The following SLC22A15 variants were observed in gnomAD, a reference collection of about 807,000 sequenced individuals.
The protein encoded by SLC22A15 is flipt 1.
In SLC22A15, 45 loss-of-function variants were observed where a neutral mutation model predicts 62.7. The observed-to-expected ratio is 0.72, with a 90% CI of 0.56 to 0.92. The LOEUF is 0.92. Among genes scored for constraint, SLC22A15 ranks in the 40% least tolerant of loss-of-function variants. SLC22A15 has a pLI of 0.00. For synonymous variants in SLC22A15, 264 were observed against 267.0 expected (o/e 0.99, Z 0.11); for missense variants, 622 against 665.6 (o/e 0.93, Z 0.72).
At chr1:115,989,787 A>AT (rs1265606830) in intron 1 of SLC22A15, among the ~76,000 whole-genome samples, 1 of 151,620 alleles carries the variant, frequency 6.6e-6, no homozygotes, top group African/African-American at 2.4e-5. Context: ...GTCTCAAAAA[A>AT]AAAAAAATGA....
chr1:116,053,595 G>A (rs367893032), intron 8 of SLC22A15, among the ~76,000 whole-genome samples: 120 of 152,056 alleles, frequency 7.9e-4, no homozygotes, highest in African/African-American at 2.4e-3. Context: ...TCCAAGACAC[G>A]TAATTGTCAG....
chr1:116,046,904 A>G (rs762844489), intron 8 of SLC22A15, among the ~76,000 whole-genome samples: 1 of 152,172 alleles, frequency 6.6e-6, no homozygotes, highest in Non-Finnish European at 1.5e-5. Flanking sequence ...TTCCCTAAGG[A>G]AGCCATTCCT....
intron 1 of SLC22A15, 86 bp downstream of exon 1, chr1:115,976,800 C>T: frequency 9.1e-7 from 1 of 1,098,476 alleles, no homozygotes; most frequent in Non-Finnish European, 1.3e-6. Context: ...ACCGCCGGGG[C>T]CGGGGCCGAG....
At chr1:116,021,965 A>G (rs1338036377) in intron 4 of SLC22A15, among the ~76,000 whole-genome samples, 1 of 152,152 alleles carries the variant, frequency 6.6e-6, no homozygotes, top group Non-Finnish European at 1.5e-5. Context: ...TCAACCTGTT[A>G]TTTCTAACTG....
At chr1:115,992,587 G>A (rs1232577145) in intron 2 of SLC22A15, among the ~76,000 whole-genome samples, 1 of 150,992 alleles carries the variant, frequency 6.6e-6, no homozygotes. Context: ...GAAATGTAAC[G>A]ATTCATATAT....
In SLC22A15 at chr1:115,992,046, G is replaced by A. The variant is rs759190725; in HGVS notation, c.103G>A (p.Glu35Lys). Residue 35 changes from glutamate (E) to lysine (K), a missense_variant, in exon 2 of 12, where the codon GAG becomes AAG. By Grantham distance (56) the Glu-to-Lys change is moderately conservative. Transcript: ENST00000369503. ...GCTCTTTCAGCTCTACGTGGCCACG[G>A]AGGCCATCCTCATTGCACTGGTTGG... The part of the protein sequence containing the change: ...AVLLQLYVAT[E>K]AILIALVGAT... 2 of 1,613,542 alleles carry A rather than the reference G, an allele frequency of 1.2e-6. No homozygotes were observed. The highest frequency in any genetic ancestry group is 2.2e-5 in the East Asian group (1 of 44,880).
At chr1:116,052,645 G>A (rs1014928122) in intron 8 of SLC22A15, among the ~76,000 whole-genome samples, 6 of 152,188 alleles carry the variant, frequency 3.9e-5, no homozygotes, top group African/African-American at 7.2e-5. Context: ...AGCCTAACTG[G>A]GAGGCACCTC....
At chr1:116,057,359 A>G (rs933274809) in intron 8 of SLC22A15, among the ~76,000 whole-genome samples, 58 of 152,054 alleles carry the variant, frequency 3.8e-4, no homozygotes, top group Middle Eastern at 3.4e-3. Flanking sequence ...ACAATGAGAT[A>G]CCATCTCACA....
At position 116,035,286 on chromosome 1, in the gene SLC22A15, T is replaced by C; in HGVS notation, c.1044T>C (p.Ile348=). 2 of 1,613,322 alleles carry C rather than the reference T, an allele frequency of 1.2e-6. No homozygotes were observed. The highest frequency in any genetic ancestry group is 8.5e-7 in the Non-Finnish European group (1 of 1,179,522). ...ANLALSGLIE[I]PSYPLCIYLI... is the part of the protein sequence containing the mutation. ...TGGCCCTGTCTGGCCTCATAGAGATTCCATCTTACCCTCTCTGTATCTACT... is the reference window on the plus strand; with the variant it reads ...TGGCCCTGTCTGGCCTCATAGAGATCCCATCTTACCCTCTCTGTATCTACT... Residue 348 remains isoleucine (I), a synonymous_variant, in exon 7 of 12, where the codon ATT becomes ATC. Coordinates refer to ENST00000369503, the MANE Select transcript of SLC22A15 (RefSeq NM_018420.3).
At chr1:116,057,066 T>A (rs1389858181) in intron 8 of SLC22A15, among the ~76,000 whole-genome samples, 2 of 152,040 alleles carry the variant, frequency 1.3e-5, no homozygotes, top group South Asian at 4.1e-4. Flanking sequence ...GGGATCTAAT[T>A]AAACTAAAGA....
At chr1:116,037,281 G>A (rs1479013229) in intron 7 of SLC22A15, 22 bp from the exon 8 acceptor site, 1 of 1,595,172 alleles carries the variant, frequency 6.3e-7, no homozygotes, top group African/African-American at 1.3e-5. Flanking sequence ...AGAGAACTGT[G>A]TAATTTCTTT....
chr1:115,994,177 CCCACCACCACCA>C (rs376728877), intron 2 of SLC22A15, among the ~76,000 whole-genome samples: 2,620 of 151,858 alleles, frequency 0.017, 77 homozygotes, highest in African/African-American at 0.059. Context: ...AACCACCAGC[CCCACCACCACCA>C]CCACCACCAC....
chr1:116,042,933 C>T (rs912366519), intron 8 of SLC22A15, among the ~76,000 whole-genome samples: 15 of 152,068 alleles, frequency 9.9e-5, no homozygotes, highest in African/African-American at 3.6e-4. Flanking sequence ...AAACAAGTTT[C>T]AATAAGTTTA....
At chr1:116,040,227 A>C (rs1000407794) in intron 8 of SLC22A15, among the ~76,000 whole-genome samples, 2 of 152,212 alleles carry the variant, frequency 1.3e-5, no homozygotes, top group Non-Finnish European at 2.9e-5. Context: ...GTTAGACAGA[A>C]GTGTCCTGCC....
intron 5 of SLC22A15, 186 bp downstream of exon 5, chr1:116,027,208 A>G: frequency 1.5e-6 from 1 of 660,854 alleles, no homozygotes; most frequent in Non-Finnish European, 2.8e-6. Flanking sequence ...TAATTAATTC[A>G]GAATGCAGGT....
intron 4 of SLC22A15, among the ~76,000 whole-genome samples, chr1:116,021,285 T>A (rs959451206): frequency 7.9e-5 from 12 of 152,216 alleles, no homozygotes; most frequent in African/African-American, 1.2e-4. Context: ...TCACAGCCCT[T>A]TTTTGTTTTT....
rs3748742 is a variant in SLC22A15 at position 116,066,564 on chromosome 1, G to A, written c.1410G>A (p.Thr470=). 134,542 of 1,607,068 alleles carry A rather than the reference G, an allele frequency of 0.084. 6,225 individuals are homozygous for A. The highest frequency in any genetic ancestry group is 0.16 in the African/African-American group (11,736 of 74,758). ...WSLPFIVFGA[T]GLTSGLLSLL... ...TACCATTCATTGTCTTCGGAGCCAC[G>A]GGTCTGACCTCCGGCCTCCTGAGTT... Residue 470 remains threonine, a synonymous_variant, in exon 11 of 12, where the codon ACG becomes ACA. Coordinates refer to ENST00000369503, the MANE Select transcript of SLC22A15 (RefSeq NM_018420.3).
intron 2 of SLC22A15, among the ~76,000 whole-genome samples, chr1:116,007,233 G>A (rs961759091): frequency 1.3e-5 from 2 of 152,172 alleles, no homozygotes; most frequent in Admixed American, 6.5e-5. Flanking sequence ...AACATGGGGA[G>A]CAGGGCATGG....
chr1:116,031,950 T>G, intron 6 of SLC22A15: 1 of 1,073,160 alleles, frequency 9.3e-7, no homozygotes, highest in Non-Finnish European at 1.1e-6. Context: ...AATAGGACTT[T>G]AAAAATACTT....
Sources: gnomAD v4.1 joint callset for allele counts (sites outside exome capture counted in the v4.1 genomes callset) on GRCh38, gnomAD v4.1.1 for gene constraint, MANE v1.5 for transcripts, NCBI Gene and HGNC (gene_info 2026-07-23, HGNC 2026-07-21) for gene names.